Variants in CELF4 observed in about 807,000 individuals in gnomAD.
CELF4 encodes CUG-BP- and ETR-3-like factor 4.
CELF4 carries 18 observed loss-of-function variants against 59.9 expected under a neutral mutation model. That is an observed-to-expected ratio of 0.30 (90% confidence interval 0.21 to 0.45). The LOEUF (loss-of-function observed/expected upper bound fraction) is 0.45, where lower values mean the gene tolerates loss of function less well. Ranked by LOEUF, CELF4 falls within the 20% of genes least tolerant of loss-of-function variation. CELF4 has a pLI of 1.00. For synonymous variants in CELF4, 261 were observed against 267.1 expected (o/e 0.98, Z 0.22); for missense variants, 456 against 689.0 (o/e 0.66, Z 3.79).
At chr18:37,510,093 G>A (rs2099942532) in intron 1 of CELF4, among the ~76,000 whole-genome samples, 1 of 152,198 alleles carries the variant, frequency 6.6e-6, no homozygotes, top group Non-Finnish European at 1.5e-5. Context: ...CATGATAGTT[G>A]CACAACACAG....
At chr18:37,444,877 T>G (rs955424092) in intron 2 of CELF4, among the ~76,000 whole-genome samples, 2 of 152,226 alleles carry the variant, frequency 1.3e-5, no homozygotes, top group Middle Eastern at 3.4e-3. Flanking sequence ...TTGAGTTGAC[T>G]CTCAGAAAAT....
chr18:37,388,631 T>C (rs1400989935), intron 2 of CELF4, among the ~76,000 whole-genome samples: 2 of 152,144 alleles, frequency 1.3e-5, no homozygotes, highest in African/African-American at 4.8e-5. Context: ...TCTGCTGCTG[T>C]CATTCATTAG....
chr18:37,518,435 C>T (rs2099953417), intron 1 of CELF4, among the ~76,000 whole-genome samples: 1 of 152,104 alleles, frequency 6.6e-6, no homozygotes, highest in Admixed American at 6.5e-5. Context: ...AGGAAAGGGA[C>T]TCAAAAATAC....
chr18:37,540,794 G>T (rs1230370170), intron 1 of CELF4, among the ~76,000 whole-genome samples: 1 of 152,238 alleles, frequency 6.6e-6, no homozygotes, highest in Non-Finnish European at 1.5e-5. Context: ...TTAGGTGGGA[G>T]CATGGGAGGG....
chr18:37,348,579 T>C (rs893331300), intron 2 of CELF4, among the ~76,000 whole-genome samples: 2 of 151,998 alleles, frequency 1.3e-5, no homozygotes, highest in African/African-American at 4.8e-5. Flanking sequence ...GACAGGACCA[T>C]GGCCTTGAAA....
intron 2 of CELF4, among the ~76,000 whole-genome samples, chr18:37,463,768 C>T (rs1008461119): frequency 3.9e-5 from 6 of 152,202 alleles, no homozygotes; most frequent in African/African-American, 1.2e-4. Context: ...TCCTGGCCTG[C>T]GGCGTCCAGG....
chr18:37,331,490 C>T (rs559853927), intron 2 of CELF4, among the ~76,000 whole-genome samples: 11 of 152,176 alleles, frequency 7.2e-5, no homozygotes, highest in Admixed American at 2.6e-4. Context: ...AATGATATGG[C>T]GGGGATTCAG....
intron 2 of CELF4, among the ~76,000 whole-genome samples, chr18:37,378,352 G>T (rs928725432): frequency 1.3e-5 from 2 of 152,206 alleles, no homozygotes; most frequent in Admixed American, 1.3e-4. Flanking sequence ...GGAGGCCAGG[G>T]AGCCCAGGGA....
At chr18:37,443,351 G>C (rs1431889484) in intron 2 of CELF4, among the ~76,000 whole-genome samples, 1 of 152,044 alleles carries the variant, frequency 6.6e-6, no homozygotes, top group Admixed American at 6.5e-5. Context: ...AGTGGGGGGA[G>C]GGTCTCCCAA....
intron 1 of CELF4, among the ~76,000 whole-genome samples, chr18:37,509,771 G>A (rs896513352): frequency 6.6e-6 from 1 of 152,224 alleles, no homozygotes; most frequent in Non-Finnish European, 1.5e-5. Flanking sequence ...ATTTTCATCA[G>A]CTTATGAATG....
intron 2 of CELF4, among the ~76,000 whole-genome samples, chr18:37,359,127 CA>C (rs2098658371): frequency 1.3e-5 from 2 of 152,090 alleles, no homozygotes; most frequent in Non-Finnish European, 2.9e-5. Flanking sequence ...AAACAAAACA[CA>C]AACCTGTCAA....
chr18:37,445,578 A>AG (rs1430889441), intron 2 of CELF4, among the ~76,000 whole-genome samples: 5 of 151,804 alleles, frequency 3.3e-5, no homozygotes, highest in Non-Finnish European at 1.5e-5. Context: ...TAAGCAGAGG[A>AG]GGGGGGAGCA....
chr18:37,431,752 T>C (rs1238639386), intron 2 of CELF4, among the ~76,000 whole-genome samples: 1 of 152,312 alleles, frequency 6.6e-6, no homozygotes, highest in East Asian at 1.9e-4. Context: ...CCCTGGCAGT[T>C]GAGCACAGGA....
intron 1 of CELF4, among the ~76,000 whole-genome samples, chr18:37,519,293 C>T (rs2099954363): frequency 1.3e-5 from 2 of 152,024 alleles, no homozygotes; most frequent in African/African-American, 4.8e-5. Context: ...CTGAGCCAGC[C>T]AGGTGGGTGG....
chr18:37,477,211 G>A (rs1019801790), intron 2 of CELF4, among the ~76,000 whole-genome samples: 4 of 152,212 alleles, frequency 2.6e-5, no homozygotes, highest in African/African-American at 9.7e-5. Flanking sequence ...TCCAAGATGG[G>A]AACTCTGGAG....
At chr18:37,257,031 A>G (rs1040464955) in intron 11 of CELF4, among the ~76,000 whole-genome samples, 1 of 152,204 alleles carries the variant, frequency 6.6e-6, no homozygotes, top group South Asian at 2.1e-4. Flanking sequence ...TATGCTCGAC[A>G]TCAGAAATTT....
chr18:37,402,499 G>A (rs1356638385), intron 2 of CELF4, among the ~76,000 whole-genome samples: 2 of 152,090 alleles, frequency 1.3e-5, no homozygotes, highest in Non-Finnish European at 2.9e-5. Flanking sequence ...TTGTCCTTGT[G>A]TTCTGAGTGG....
chr18:37,434,587 G>A (rs1039733710), intron 2 of CELF4, among the ~76,000 whole-genome samples: 15 of 152,148 alleles, frequency 9.9e-5, no homozygotes, highest in Admixed American at 2.0e-4. Flanking sequence ...GAAGAGAGCC[G>A]GGGGTTTGCT....
intron 2 of CELF4, among the ~76,000 whole-genome samples, chr18:37,406,309 T>G (rs2099388911): frequency 6.6e-6 from 1 of 152,110 alleles, no homozygotes; most frequent in Non-Finnish European, 1.5e-5. Context: ...CAGTTCAGTT[T>G]GGTCAGTGGG....
Sources: allele counts gnomAD v4.1 joint callset (sites outside exome capture counted in the v4.1 genomes callset), GRCh38; gene constraint gnomAD v4.1.1; transcripts MANE v1.5; gene names NCBI Gene and HGNC (gene_info 2026-07-23, HGNC 2026-07-21).